The following PPFIA2 variants were observed in gnomAD, a reference collection of about 807,000 sequenced individuals.
The protein encoded by PPFIA2 is PPFI scaffold protein A2.
PPFIA2 carries 46 observed loss-of-function variants against 175.5 expected under a neutral mutation model. The observed-to-expected ratio is 0.26, with a 90% CI of 0.21 to 0.34. The LOEUF is 0.34. Ranked by LOEUF, PPFIA2 falls within the 10% of genes least tolerant of loss-of-function variation. The pLI is 1.00. For missense variants in PPFIA2, 1,179 were observed against 1,506.1 expected (o/e 0.78, Z 3.60); for synonymous variants, 568 against 511.4 (o/e 1.11, Z -1.49).
At chr12:81,356,956 T>C (rs561077335) in intron 16 of PPFIA2, among the ~76,000 whole-genome samples, 119 of 152,272 alleles carry the variant, frequency 7.8e-4, no homozygotes, top group African/African-American at 2.7e-3. Flanking sequence ...AGTAAGCAAT[T>C]GACCAGTGTT....
chr12:81,298,125 G>C (rs1222416722), intron 23 of PPFIA2: 1 of 151,984 alleles, frequency 6.6e-6, no homozygotes, highest in African/African-American at 2.4e-5. Context: ...TCATTTTATC[G>C]GAGCAAAAAC....
At chr12:81,458,508 T>C (rs1164233202) in intron 4 of PPFIA2, among the ~76,000 whole-genome samples, 4 of 152,112 alleles carry the variant, frequency 2.6e-5, no homozygotes, top group Admixed American at 6.6e-5. Flanking sequence ...GTCTAAGACA[T>C]AGTGGGAGCT....
intron 4 of PPFIA2, among the ~76,000 whole-genome samples, chr12:81,603,902 G>GTTTA (rs1013998269): frequency 6.9e-6 from 1 of 144,614 alleles, no homozygotes; most frequent in African/African-American, 2.6e-5. Flanking sequence ...ACATTTATTC[G>GTTTA]TTTATTTATT....
Position 81,550,089 on chromosome 12 carries a change from G to A in PPFIA2, c.304-92223C>T, listed in dbSNP as rs774404241. ...TGTCTTTAATCTCAAATAAATTGAC[G>A]AATTACTTAGCAGGAGGCACTAGAG... On this transcript the variant is annotated intron_variant, in intron 4 of 32. Transcript: ENST00000549396. Among the ~76,000 whole-genome samples the A allele has an allele frequency of 6.6e-5, 10 of 151,968 alleles. No homozygotes were observed. In the East Asian group the frequency reaches 9.7e-4, roughly 15 times the overall value.
intron 22 of PPFIA2, among the ~76,000 whole-genome samples, chr12:81,313,059 C>T (rs556378128): frequency 6.6e-6 from 1 of 151,998 alleles, no homozygotes; most frequent in South Asian, 2.1e-4. Flanking sequence ...TATATTGGTT[C>T]ACCAATATTA....
At chr12:81,603,137 C>T (rs1056289519) in intron 4 of PPFIA2, among the ~76,000 whole-genome samples, 1 of 151,748 alleles carries the variant, frequency 6.6e-6, no homozygotes, top group Non-Finnish European at 1.5e-5. Context: ...AATTCAGTGA[C>T]CACGCTGAGT....
At chr12:81,327,694 G>C (rs1420946626) in intron 21 of PPFIA2, among the ~76,000 whole-genome samples, 1 of 151,766 alleles carries the variant, frequency 6.6e-6, no homozygotes, top group Non-Finnish European at 1.5e-5. Flanking sequence ...AGCAATATAA[G>C]AACATTTAAA....
chr12:81,686,983 C>G (rs2074510028), intron 3 of PPFIA2, among the ~76,000 whole-genome samples: 2 of 151,974 alleles, frequency 1.3e-5, no homozygotes, highest in Admixed American at 6.6e-5. Flanking sequence ...AGGACCACCA[C>G]CAGCAGCAGC....
chr12:81,286,216 CA>C (rs562073461), intron 24 of PPFIA2, among the ~76,000 whole-genome samples: 7 of 148,962 alleles, frequency 4.7e-5, no homozygotes, highest in Admixed American at 1.3e-4. Flanking sequence ...CAAAAGTTAA[CA>C]AAAAAAAAGA....
intron 3 of PPFIA2, among the ~76,000 whole-genome samples, chr12:81,692,794 T>G (rs907976581): frequency 6.6e-6 from 1 of 152,146 alleles, no homozygotes; most frequent in African/African-American, 2.4e-5. Context: ...TTGGTCAATT[T>G]TGAATGTATA....
intron 27 of PPFIA2, 146 bp from the exon 28 acceptor site, chr12:81,277,560 T>C (rs1219527531): frequency 5.8e-6 from 5 of 854,708 alleles, no homozygotes; most frequent in Non-Finnish European, 7.9e-6. Flanking sequence ...TCCTTCAGTA[T>C]TGGAGGGAAA....
chr12:81,307,779 C>T (rs2049665820), intron 22 of PPFIA2, among the ~76,000 whole-genome samples: 1 of 152,164 alleles, frequency 6.6e-6, no homozygotes, highest in Non-Finnish European at 1.5e-5. Flanking sequence ...AAAGACGCTT[C>T]ACAATCTGGC....
chr12:81,378,732 A>AC (rs1204568332), intron 9 of PPFIA2, among the ~76,000 whole-genome samples: 2 of 152,186 alleles, frequency 1.3e-5, no homozygotes, highest in African/African-American at 4.8e-5. Flanking sequence ...TTTAACAGCA[A>AC]TAAAGTCAAT....
intron 4 of PPFIA2, among the ~76,000 whole-genome samples, chr12:81,602,114 T>C (rs1248552712): frequency 2.0e-5 from 3 of 151,886 alleles, no homozygotes; most frequent in Non-Finnish European, 4.4e-5. Flanking sequence ...TAAAATATTT[T>C]TCTTTTTAAA....
At chr12:81,696,721 A>G (rs1024286449) in intron 3 of PPFIA2, among the ~76,000 whole-genome samples, 1 of 152,028 alleles carries the variant, frequency 6.6e-6, no homozygotes, top group African/African-American at 2.4e-5. Context: ...TTGATTGAGC[A>G]GTTTATTAAG....
intron 4 of PPFIA2, among the ~76,000 whole-genome samples, chr12:81,492,715 G>C (rs1593910310): frequency 1.3e-5 from 2 of 152,104 alleles, no homozygotes; most frequent in East Asian, 3.9e-4. Flanking sequence ...GGACTCTATG[G>C]GCTATTATGA....
chr12:81,357,429 G>T (rs1027339470), intron 16 of PPFIA2, among the ~76,000 whole-genome samples: 1 of 152,016 alleles, frequency 6.6e-6, no homozygotes, highest in African/African-American at 2.4e-5. Flanking sequence ...CTATGCTTAG[G>T]CACCAAAGGA....
intron 22 of PPFIA2, among the ~76,000 whole-genome samples, chr12:81,322,019 A>G (rs1256009956): frequency 6.6e-6 from 1 of 152,014 alleles, no homozygotes; most frequent in African/African-American, 2.4e-5. Context: ...TATTTTTTGT[A>G]AAAACAGGGT....
At chr12:81,732,968 ATAAACTGTGTTGAAAAT>A (rs1423187884) in intron 3 of PPFIA2, among the ~76,000 whole-genome samples, 1 of 151,636 alleles carries the variant, frequency 6.6e-6, no homozygotes. Flanking sequence ...AATAGGTATT[ATAAACTGTGTTGAAAAT>A]TAACTTAGAG....
Sources: gnomAD v4.1 joint callset for allele counts (sites outside exome capture counted in the v4.1 genomes callset) on GRCh38, gnomAD v4.1.1 for gene constraint, MANE v1.5 for transcripts, NCBI Gene and HGNC (gene_info 2026-07-23, HGNC 2026-07-21) for gene names.